The following CEP97 variants were observed in gnomAD, a reference collection of about 807,000 sequenced individuals.
CEP97 encodes the protein centrosomal protein 97.
A neutral mutation model predicts 73.1 loss-of-function variants in CEP97; 43 were observed. The observed-to-expected ratio is 0.59, with a 90% CI of 0.46 to 0.76. The LOEUF (loss-of-function observed/expected upper bound fraction) is 0.76. Among genes scored for constraint, CEP97 ranks in the 30% least tolerant of loss-of-function variants. The pLI is 0.00. For missense variants in CEP97, 939 were observed against 1,014.0 expected (o/e 0.93, Z 1.00); for synonymous variants, 337 against 370.0 (o/e 0.91, Z 1.02).
chr3:101,727,888 T>C (rs911070674), intron 3 of CEP97, among the ~76,000 whole-genome samples: 2 of 152,238 alleles, frequency 1.3e-5, no homozygotes, highest in Non-Finnish European at 2.9e-5. Flanking sequence ...TAGTCCTACT[T>C]GCACTACTTA....
rs112737937 is a variant in CEP97, at chr3:101,756,208, C to T, written c.893+614C>T. Among the ~76,000 whole-genome samples, 412 of 151,562 alleles carry T rather than the reference C, an allele frequency of 2.7e-3. 2 individuals carry two copies. The highest frequency in any genetic ancestry group is 9.4e-3 in the African/African-American group (389 of 41,274). On this transcript the variant is annotated intron_variant, in intron 7 of 10. Coordinates refer to ENST00000341893, the MANE Select transcript of CEP97 (RefSeq NM_024548.4). Reference sequence around the variant, plus strand: ...CTGAGTAGCTGGGATTACAGGCATGCGCCACCACACCTAGCTAATATTTTA... The same window carrying T: ...CTGAGTAGCTGGGATTACAGGCATGTGCCACCACACCTAGCTAATATTTTA...
At chr3:101,726,559 A>G (rs1937895383) in intron 1 of CEP97, 35 bp from the exon 2 acceptor site, 1 of 1,532,392 alleles carries the variant, frequency 6.5e-7, no homozygotes, top group East Asian at 2.3e-5. Context: ...GTTTTATTTT[A>G]TTTGTGTTTT....
intron 1 of CEP97, 39 bp from the exon 2 acceptor site, chr3:101,726,555 T>C: frequency 6.5e-7 from 1 of 1,526,736 alleles, no homozygotes. Flanking sequence ...ACATGTTTTA[T>C]TTTATTTGTG....
At position 101,758,393 on chromosome 3, in the gene CEP97, A is replaced by C; in HGVS notation, c.1787A>C (p.His596Pro). 1.2e-6 allele frequency: 2 copies of C among 1,614,174 alleles called. No homozygotes were observed. The highest frequency in any genetic ancestry group is 1.1e-5 in the South Asian group (1 of 91,086). Residue 596 changes from histidine (H) to proline (P), a missense_variant, in exon 9 of 11, where the codon CAC (histidine) becomes CCC (proline). By Grantham distance (77) the His-to-Pro change is moderately conservative. Transcript: ENST00000341893. ...YEIRLRRMQE[H>P]IVCLTDEIRR... ...ATCCGGCTACGCAGAATGCAAGAGCACATTGTCTGCTTAACTGATGAAATA... is the reference window on the plus strand; with the variant it reads ...ATCCGGCTACGCAGAATGCAAGAGCCCATTGTCTGCTTAACTGATGAAATA...
intron 6 of CEP97, among the ~76,000 whole-genome samples, chr3:101,752,482 C>A (rs1334157633): frequency 6.6e-6 from 1 of 152,206 alleles, no homozygotes; most frequent in African/African-American, 2.4e-5. Context: ...TAATATCTTG[C>A]AGAGTGTTTT....
intron 1 of CEP97, among the ~76,000 whole-genome samples, chr3:101,725,328 T>C (rs1027051097): frequency 6.6e-6 from 1 of 152,154 alleles, no homozygotes; most frequent in African/African-American, 2.4e-5. Context: ...GGCCTGAAGA[T>C]ACCTACCTCT....
chr3:101,760,084 G>A (rs1939130089), intron 9 of CEP97, among the ~76,000 whole-genome samples: 1 of 147,018 alleles, frequency 6.8e-6, no homozygotes, highest in Non-Finnish European at 1.5e-5. Context: ...GAAGGTAAGA[G>A]AGGAAGAAAT....
At chr3:101,728,138 C>G (rs752627840) in intron 3 of CEP97, among the ~76,000 whole-genome samples, 11 of 152,138 alleles carry the variant, frequency 7.2e-5, no homozygotes, top group South Asian at 2.1e-4. Context: ...GTAACTTGCT[C>G]AAGGTCACAC....
At chr3:101,740,623 C>T (rs1174916602) in intron 6 of CEP97, among the ~76,000 whole-genome samples, 1 of 150,636 alleles carries the variant, frequency 6.6e-6, no homozygotes, top group Admixed American at 6.6e-5. Context: ...GAGTTTTGCT[C>T]TTGTTGCCCA....
At chr3:101,752,766 T>C (rs2107175484) in intron 6 of CEP97, among the ~76,000 whole-genome samples, 1 of 152,370 alleles carries the variant, frequency 6.6e-6, no homozygotes, top group African/African-American at 2.4e-5. Context: ...AGCACTTCTC[T>C]GTATTGATTA....
rs565831620 is a variant in CEP97, at chr3:101,741,101, C to T, written c.728+8447C>T. On this transcript the variant is annotated intron_variant, in intron 6 of 10. Coordinates refer to ENST00000341893, the MANE Select transcript of CEP97 (RefSeq NM_024548.4). ...ATATAGACAAATGGAACAGAACAGACGCCTCAGAAATAACACCACACATCT... is the reference window on the plus strand; with the variant it reads ...ATATAGACAAATGGAACAGAACAGATGCCTCAGAAATAACACCACACATCT... 2.7e-4 allele frequency among the ~76,000 whole-genome samples: 41 copies of T among 152,210 alleles called. 1 individual carries two copies. The highest frequency in any genetic ancestry group is 1.6e-3 in the Admixed American group (25 of 15,286).
chr3:101,751,664 G>A (rs1334284269), intron 6 of CEP97, among the ~76,000 whole-genome samples: 1 of 152,162 alleles, frequency 6.6e-6, no homozygotes, highest in Non-Finnish European at 1.5e-5. Flanking sequence ...TTACCATTAT[G>A]TAATGACCTT....
Position 101,757,214 on chromosome 3 carries a change from C to T in CEP97, c.1027+18C>T. The T allele has an allele frequency of 6.3e-7, 1 of 1,590,658 alleles. No homozygotes were observed. Among genetic ancestry groups the T allele is most frequent in the South Asian group, 1.2e-5 (1 of 85,662 alleles). On this transcript the variant is annotated intron_variant, in intron 8 of 10. Coordinates refer to ENST00000341893, the MANE Select transcript of CEP97 (RefSeq NM_024548.4). ...GGAAAGTGGTAAGAAATGAATTTAT[C>T]TCTGATCCCTTTTCTCCAAGTTGTT...
chr3:101,758,558 C>T lies in CEP97; in HGVS notation c.1817+135C>T, dbSNP rs558931820. Reference sequence around the variant, plus strand: ...GTAGCCACTGTTGCTTTGGTTGTCTCCTACAGTGTACCGAAAGCATCTGGA... The same window carrying T: ...GTAGCCACTGTTGCTTTGGTTGTCTTCTACAGTGTACCGAAAGCATCTGGA... On this transcript the variant is annotated intron_variant, in intron 9 of 10. Coordinates refer to ENST00000341893, the MANE Select transcript of CEP97 (RefSeq NM_024548.4). The T allele has an allele frequency of 9.2e-6, 10 of 1,082,730 alleles. No individual in the cohort carries two copies. In the East Asian group the frequency reaches 2.1e-4, roughly 22 times the overall value. The allele number at this position is 1,082,730 out of a possible 1,614,324, so 67.1% of individuals were successfully genotyped here. A position where few individuals can be genotyped will look rare whatever the true frequency, so the allele number is the denominator to read the frequency against.
At chr3:101,762,704 A>G (rs1939205546) in intron 10 of CEP97, 144 bp downstream of exon 10, 6 of 547,442 alleles carry the variant, frequency 1.1e-5, no homozygotes, top group Non-Finnish European at 1.3e-5. Flanking sequence ...ACTAACTGTG[A>G]ACTAGGACAG....
In CEP97 at chr3:101,757,916, A is replaced by C. The variant is rs368952768; in HGVS notation, c.1310A>C (p.Asp437Ala). 6.2e-7 allele frequency: 1 copy of C among 1,614,258 alleles called. No individual in the cohort carries two copies. Among genetic ancestry groups the C allele is most frequent in the South Asian group, 1.1e-5 (1 of 91,088 alleles). Residue 437 changes from aspartate to alanine, a missense_variant, in exon 9 of 11, where the codon GAT becomes GCT. Transcript: ENST00000341893. ...NLGLEDDGVADESVKGLESQV... is the reference protein window; with the variant it reads ...NLGLEDDGVAAESVKGLESQV... The stretch of plus-strand genomic sequence containing the variant: ...GGCCTAGAAGATGATGGTGTTGCAG[A>C]TGAATCTGTGAAAGGGCTGGAAAGC...
chr3:101,732,552 T>C lies in CEP97; in HGVS notation c.626T>C (p.Met209Thr), dbSNP rs1435644508. The C allele has an allele frequency of 1.2e-6, 2 of 1,613,706 alleles. No homozygotes were observed. Among genetic ancestry groups the C allele is most frequent in the Non-Finnish European group, 1.7e-6 (2 of 1,179,700 alleles). Residue 209 changes from methionine (M) to threonine (T), a missense_variant, in exon 6 of 11, where the codon ATG becomes ACG. Physicochemically the swap from Met to Thr is moderately conservative, Grantham distance 81. Coordinates refer to ENST00000341893, the MANE Select transcript of CEP97 (RefSeq NM_024548.4). ...TCGATTATGAACAATCCTTGTGTGA[T>C]GGCAACACCATCCATCCCAGGATTT... ...QLSIMNNPCV[M>T]ATPSIPGFDY... is the part of the protein sequence containing the mutation.
intron 8 of CEP97, 126 bp downstream of exon 8, chr3:101,757,322 G>C: frequency 2.0e-6 from 2 of 1,005,238 alleles, no homozygotes; most frequent in Non-Finnish European, 2.9e-6. Flanking sequence ...TAATCATTTA[G>C]ATCTTATACA....
At position 101,765,492 on chromosome 3, in the gene CEP97, G is replaced by C. The variant is rs752375937; in HGVS notation, c.2539G>C (p.Gly847Arg). 3 of 1,614,060 alleles carry C rather than the reference G, an allele frequency of 1.9e-6. No individual in the cohort carries two copies. In the Admixed American group the frequency reaches 5.0e-5, roughly 27 times the overall value. Residue 847 changes from glycine to arginine, a missense_variant, in exon 11 of 11, where the codon GGG (glycine) becomes CGG (arginine). Transcript: ENST00000341893. ...TTCTAAATTAAATGCAGAAGTTCAG[G>C]GGCAGCAGCCAGAATGTGATTCTAC... ...ENSKLNAEVQGQQPECDSTFQ... is the reference protein window; with the variant it reads ...ENSKLNAEVQRQQPECDSTFQ...
Sources: gnomAD v4.1 joint callset for allele counts (sites outside exome capture counted in the v4.1 genomes callset) on GRCh38, gnomAD v4.1.1 for gene constraint, MANE v1.5 for transcripts, NCBI Gene and HGNC (gene_info 2026-07-23, HGNC 2026-07-21) for gene names.